GRIK2: variants seen among roughly 807,000 people sequenced by gnomAD.
GRIK2 encodes glutamate ionotropic receptor kainate type subunit 2.
In GRIK2, 32 loss-of-function variants were observed where a neutral mutation model predicts 100.3. The ratio of observed to expected loss-of-function variants is 0.32; its 90% CI spans 0.24 to 0.43. The LOEUF (loss-of-function observed/expected upper bound fraction) is 0.43, where lower values mean the gene tolerates loss of function less well. Among genes scored for constraint, GRIK2 ranks in the 20% least tolerant of loss-of-function variants. GRIK2 has a pLI of 1.00. For synonymous variants in GRIK2, 417 were observed against 389.4 expected, an observed-to-expected ratio of 1.07 and a Z score of -0.83; for missense variants, 843 against 1,114.9, an observed-to-expected ratio of 0.76 and a Z score of 3.47.
intron 4 of GRIK2, among the ~76,000 whole-genome samples, chr6:101,646,577 A>G (rs189705403): frequency 4.6e-4 from 70 of 152,144 alleles, no homozygotes; most frequent in Admixed American, 3.8e-3. Context: ...ATTGAAAACA[A>G]AAGCCAAAAA....
In GRIK2 at chr6:101,924,596, C is replaced by G; in HGVS notation, c.1749-5C>G. On this transcript the variant is annotated splice_region_variant and splice_polypyrimidine_tract_variant and intron_variant, in intron 12 of 16. Transcript: ENST00000369134. ...ATGTATTCTTTTTTCTGTCAATTAC[C>G]ACAGGTTTAGTCCTTATGAGTGGTA... is the stretch of plus-strand genomic sequence containing the variant. 7.1e-7 allele frequency: 1 copy of G among 1,415,086 alleles called. No homozygotes were observed. 87.7% of individuals were successfully genotyped at this position (1,415,086 alleles called of 1,614,324 possible).
At chr6:101,553,654 C>T (rs1776612335) in intron 2 of GRIK2, among the ~76,000 whole-genome samples, 1 of 152,094 alleles carries the variant, frequency 6.6e-6, no homozygotes, top group South Asian at 2.1e-4. Context: ...ACTAATAAGG[C>T]CAAGGTCAAA....
At chr6:101,763,905 T>C (rs1353282589) in intron 7 of GRIK2, among the ~76,000 whole-genome samples, 2 of 152,140 alleles carry the variant, frequency 1.3e-5, no homozygotes, top group African/African-American at 4.8e-5. Flanking sequence ...ATTTAAATAG[T>C]ACCGGTGTTT....
chr6:101,761,135 A>G (rs1041656520), intron 7 of GRIK2, among the ~76,000 whole-genome samples: 12 of 152,182 alleles, frequency 7.9e-5, no homozygotes, highest in African/African-American at 2.9e-4. Context: ...CAGGGAGAAG[A>G]GGACTGCTGG....
intron 11 of GRIK2, among the ~76,000 whole-genome samples, chr6:101,883,943 C>T (rs1786439197): frequency 6.6e-6 from 1 of 152,044 alleles, no homozygotes. Flanking sequence ...AAGTGGTAAT[C>T]TGGTATGTGT....
chr6:101,895,324 G>A (rs1441300930), intron 12 of GRIK2, among the ~76,000 whole-genome samples: 4 of 151,518 alleles, frequency 2.6e-5, no homozygotes, highest in South Asian at 4.2e-4. Flanking sequence ...ATATTAGTGG[G>A]TTAGGCAGCA....
chr6:101,525,926 C>CA (rs1775129532), intron 2 of GRIK2, among the ~76,000 whole-genome samples: 1 of 152,140 alleles, frequency 6.6e-6, no homozygotes, highest in Admixed American at 6.6e-5. Flanking sequence ...TGGAAGGAAA[C>CA]AGACACTACC....
chr6:101,998,542 T>C (rs1438654965), intron 14 of GRIK2, among the ~76,000 whole-genome samples: 1 of 152,038 alleles, frequency 6.6e-6, no homozygotes, highest in African/African-American at 2.4e-5. Context: ...TAGGAAATAT[T>C]TGCCATATTC....
chr6:101,621,089 T>A (rs1780134487), intron 2 of GRIK2, among the ~76,000 whole-genome samples: 1 of 152,180 alleles, frequency 6.6e-6, no homozygotes, highest in Non-Finnish European at 1.5e-5. Context: ...GGACTTAGAA[T>A]AAAGCAACTA....
chr6:101,961,433 C>G (rs1792292110), intron 14 of GRIK2, among the ~76,000 whole-genome samples: 1 of 151,994 alleles, frequency 6.6e-6, no homozygotes, highest in South Asian at 2.1e-4. Context: ...TAATGGTTCT[C>G]CCTAGGCATA....
intron 10 of GRIK2, among the ~76,000 whole-genome samples, chr6:101,852,713 A>G (rs1441028361): frequency 6.6e-6 from 1 of 152,184 alleles, no homozygotes; most frequent in Non-Finnish European, 1.5e-5. Flanking sequence ...AGCACCAGAA[A>G]AAGAAACACC....
At chr6:101,687,774 A>T (rs1045380125) in intron 7 of GRIK2, among the ~76,000 whole-genome samples, 3 of 151,828 alleles carry the variant, frequency 2.0e-5, no homozygotes, top group Non-Finnish European at 4.4e-5. Context: ...ACTTCGTTGC[A>T]TAAAGAGATA....
At chr6:101,720,962 C>A (rs1774439731) in intron 7 of GRIK2, among the ~76,000 whole-genome samples, 1 of 151,954 alleles carries the variant, frequency 6.6e-6, no homozygotes, top group Non-Finnish European at 1.5e-5. Flanking sequence ...AAATACAGTT[C>A]ATGCCAAGTT....
At chr6:102,014,760 G>C (rs1795744454) in intron 14 of GRIK2, among the ~76,000 whole-genome samples, 1 of 152,012 alleles carries the variant, frequency 6.6e-6, no homozygotes. Context: ...AATTTTCTTA[G>C]TCTTGAATTC....
chr6:101,916,493 A>G (rs1223483459), intron 12 of GRIK2, among the ~76,000 whole-genome samples: 2 of 151,692 alleles, frequency 1.3e-5, no homozygotes, highest in African/African-American at 4.8e-5. Flanking sequence ...AGGAAAAACT[A>G]GAAATAGTAT....
At chr6:101,486,283 T>C (rs758461669) in intron 2 of GRIK2, among the ~76,000 whole-genome samples, 28 of 149,060 alleles carry the variant, frequency 1.9e-4, no homozygotes, top group Non-Finnish European at 3.1e-4. Flanking sequence ...TGTGAATCAG[T>C]AGTAACCGAG....
chr6:101,504,904 A>G (rs538093772), intron 2 of GRIK2, among the ~76,000 whole-genome samples: 3 of 152,234 alleles, frequency 2.0e-5, no homozygotes, highest in African/African-American at 7.2e-5. Context: ...GCAGAGAGGA[A>G]TAAGAAGTGA....
At chr6:101,788,027 C>A (rs1368373428) in intron 7 of GRIK2, among the ~76,000 whole-genome samples, 1 of 151,982 alleles carries the variant, frequency 6.6e-6, no homozygotes, top group Admixed American at 6.6e-5. Context: ...GAATTGATCC[C>A]TTTGTCATTA....
chr6:101,922,830 T>A (rs1344778898), intron 12 of GRIK2, among the ~76,000 whole-genome samples: 1 of 152,224 alleles, frequency 6.6e-6, no homozygotes, highest in African/African-American at 2.4e-5. Flanking sequence ...TAATATTTTT[T>A]AAAGAACACA....
Sources: gnomAD v4.1 joint callset for allele counts (sites outside exome capture counted in the v4.1 genomes callset) on GRCh38, gnomAD v4.1.1 for gene constraint, MANE v1.5 for transcripts, NCBI Gene and HGNC (gene_info 2026-07-23, HGNC 2026-07-21) for gene names.